Variants in ITGA11 observed in about 807,000 individuals in gnomAD.
The protein encoded by ITGA11 is integrin alpha-11.
ITGA11 carries 97 observed loss-of-function variants against 141.9 expected under a neutral mutation model. The ratio of observed to expected loss-of-function variants is 0.68; its 90% CI spans 0.58 to 0.81. ITGA11 has a LOEUF of 0.81. ITGA11 is among the 30% of genes least tolerant of loss of function. The pLI is 0.00. For synonymous variants in ITGA11, 658 were observed against 624.6 expected (o/e 1.05, Z -0.80); for missense variants, 1,387 against 1,559.2 (o/e 0.89, Z 1.86).
chr15:68,419,050 C>T (rs1896956746), intron 1 of ITGA11, among the ~76,000 whole-genome samples: 1 of 152,094 alleles, frequency 6.6e-6, no homozygotes, highest in Admixed American at 6.5e-5. Context: ...GGGCCCTTCC[C>T]TTCTAAGCCT....
Position 68,325,343 on chromosome 15 carries a change from C to A in ITGA11, c.2212-102G>T. The A allele has an allele frequency of 1.3e-6, 1 of 789,134 alleles. No homozygotes were observed. Among genetic ancestry groups the A allele is most frequent in the South Asian group, 1.5e-5 (1 of 65,384 alleles). 48.9% of individuals were successfully genotyped at this position (789,134 alleles called of 1,614,324 possible). On this transcript the variant is annotated intron_variant, in intron 17 of 29. Coordinates refer to ENST00000315757, the MANE Select transcript of ITGA11 (RefSeq NM_001004439.2). The surrounding 1 kb of genome is among the most constrained non-coding windows in gnomAD (Gnocchi z 5.5). Reference sequence around the variant, plus strand: ...TAGAACTTCCACCTTCCTTAGATGGCAGGGCAGCTGCCCTGTGCCCTCAGG... The same window carrying A: ...TAGAACTTCCACCTTCCTTAGATGGAAGGGCAGCTGCCCTGTGCCCTCAGG...
At chr15:68,341,362 G>A (rs1291255262) in intron 10 of ITGA11, among the ~76,000 whole-genome samples, 1 of 152,222 alleles carries the variant, frequency 6.6e-6, no homozygotes, top group Non-Finnish European at 1.5e-5. Context: ...TATTCTTTGT[G>A]GAGTACTTTC....
intron 3 of ITGA11, among the ~76,000 whole-genome samples, chr15:68,367,253 T>C (rs918601942): frequency 6.6e-5 from 10 of 152,024 alleles, no homozygotes; most frequent in African/African-American, 2.4e-4. Flanking sequence ...AAAAAAAGAT[T>C]GGTTCACGAA....
chr15:68,413,651 T>C (rs566484136), intron 1 of ITGA11, among the ~76,000 whole-genome samples: 4 of 152,264 alleles, frequency 2.6e-5, no homozygotes, highest in African/African-American at 7.2e-5. Context: ...ATCTGTAAAA[T>C]GAGAGGCTCC....
chr15:68,358,609 G>A (rs748167796), intron 5 of ITGA11, 24 bp from the exon 6 acceptor site: 35 of 1,598,426 alleles, frequency 2.2e-5, no homozygotes, highest in Non-Finnish European at 2.9e-5. Context: ...ACACAGTTAT[G>A]GCTACCCAAG....
At position 68,332,009 on chromosome 15, in the gene ITGA11, G is replaced by T. The variant is rs1317445655; in HGVS notation, c.1620C>A (p.Ala540=). Residue 540 remains alanine (A), a synonymous_variant, in exon 14 of 30, where the codon GCC becomes GCA. Coordinates refer to ENST00000315757, the MANE Select transcript of ITGA11 (RefSeq NM_001004439.2). The part of the protein sequence containing the change: ...TLKDSHSYQN[A]RFGSSIASVR... ...CTGAGGCAATGGAGGACCCAAATCG[G>T]GCATTCTGGTAACTGTGTGAATCCT... is the stretch of plus-strand genomic sequence containing the variant. 1.9e-6 allele frequency: 3 copies of T among 1,611,858 alleles called. No homozygotes were observed. Among genetic ancestry groups the T allele is most frequent in the South Asian group, 2.2e-5 (2 of 90,408 alleles).
intron 3 of ITGA11, chr15:68,365,624 A>C (rs4777045): frequency 1 from 151,348 of 151,984 alleles, 75,360 homozygotes; most frequent in Middle Eastern, 1. Context: ...TAGAGTGTGC[A>C]AGCCCTAATA....
intron 7 of ITGA11, among the ~76,000 whole-genome samples, chr15:68,352,133 C>T (rs1281726331): frequency 2.0e-5 from 3 of 151,220 alleles, no homozygotes. Context: ...CCATTGATGT[C>T]CAGGCCTCAG....
At chr15:68,362,574 G>A (rs1895279106) in intron 4 of ITGA11, among the ~76,000 whole-genome samples, 1 of 152,126 alleles carries the variant, frequency 6.6e-6, no homozygotes, top group African/African-American at 2.4e-5. Flanking sequence ...GATGATAGAT[G>A]GATGGATAAG....
intron 3 of ITGA11, among the ~76,000 whole-genome samples, chr15:68,366,345 G>C (rs1342817421): frequency 6.6e-6 from 1 of 152,076 alleles, no homozygotes; most frequent in South Asian, 2.1e-4. Flanking sequence ...CTGCCACAAG[G>C]TTACCTGCTG....
chr15:68,377,527 C>T (rs562504206), intron 2 of ITGA11, among the ~76,000 whole-genome samples: 3 of 152,350 alleles, frequency 2.0e-5, no homozygotes, highest in South Asian at 2.1e-4. Context: ...CCTCCTCAGC[C>T]TCCCAAGGTG....
intron 1 of ITGA11, among the ~76,000 whole-genome samples, chr15:68,422,111 G>A (rs8041260): frequency 0.14 from 20,938 of 152,166 alleles, 4,164 homozygotes; most frequent in African/African-American, 0.44. Flanking sequence ...GAGGGATAGA[G>A]GCTCTGTGCC....
intron 12 of ITGA11, among the ~76,000 whole-genome samples, chr15:68,334,703 G>A (rs999375741): frequency 3.9e-4 from 60 of 152,204 alleles, no homozygotes; most frequent in African/African-American, 1.1e-3. Flanking sequence ...GGGTCACCGC[G>A]ATTTGGAATT....
intron 8 of ITGA11, among the ~76,000 whole-genome samples, chr15:68,351,054 G>T (rs1038430728): frequency 2.6e-5 from 4 of 152,190 alleles, no homozygotes; most frequent in Non-Finnish European, 5.9e-5. Context: ...TGGATGGGGG[G>T]AAACACAACC....
chr15:68,421,181 G>GGGGGTTGA, intron 1 of ITGA11, among the ~76,000 whole-genome samples: 3 of 9,054 alleles, frequency 3.3e-4, no homozygotes, highest in East Asian at 2.6e-3. Flanking sequence ...GTGCTTGGAG[G>GGGGGTTGA]AGCTTCCTCA....
intron 2 of ITGA11, among the ~76,000 whole-genome samples, chr15:68,390,489 G>T (rs1436592206): frequency 6.6e-6 from 1 of 152,074 alleles, no homozygotes; most frequent in East Asian, 1.9e-4. Context: ...GCGGATCCTT[G>T]GGGGGTTACA....
At chr15:68,383,277 A>C (rs1163177089) in intron 2 of ITGA11, among the ~76,000 whole-genome samples, 1 of 149,440 alleles carries the variant, frequency 6.7e-6, no homozygotes, top group East Asian at 2.0e-4. Context: ...CCTCAAAAAA[A>C]AGAAAAAAAA....
rs1194798086 is a variant in ITGA11 at position 68,299,191 on chromosome 15, C to G, written c.*3868G>C. On this transcript the variant is annotated 3_prime_UTR_variant, in exon 30 of 30. Transcript: ENST00000315757. ...ACATCTTATTGAAAAGTTTTAGTGT[C>G]CAGGTGCAAGGCTTACAATTCCCTC... 6.6e-6 allele frequency: 1 copy of G among 152,162 alleles called. No individual in the cohort carries two copies. Among genetic ancestry groups the G allele is most frequent in the Non-Finnish European group, 1.5e-5 (1 of 68,044 alleles). 9.4% of individuals were successfully genotyped at this position (152,162 alleles called of 1,614,324 possible). A position where few individuals can be genotyped will look rare whatever the true frequency, so the allele number is the denominator to read the frequency against.
intron 1 of ITGA11, 118 bp downstream of exon 1, chr15:68,431,897 C>A (rs111639557): frequency 3.1e-6 from 2 of 652,896 alleles, no homozygotes; most frequent in Non-Finnish European, 4.5e-6. Context: ...TCCCCAAGAG[C>A]AGCTGAGGTC....
Sources: gnomAD v4.1 joint callset for allele counts (sites outside exome capture counted in the v4.1 genomes callset) on GRCh38, gnomAD v4.1.1 for gene constraint, Gnocchi (gnomAD v3.1) non-coding constraint, MANE v1.5 for transcripts, NCBI Gene and HGNC (gene_info 2026-07-23, HGNC 2026-07-21) for gene names.